CHD9: variants seen among roughly 807,000 people sequenced by gnomAD.
CHD9 encodes ATP-dependent chromatin remodeler CHD9.
Under a neutral mutation model 316.1 loss-of-function variants are expected in CHD9, and 77 were observed. That is an observed-to-expected ratio of 0.24 (90% CI 0.20 to 0.29). The LOEUF is 0.29. CHD9 is among the 10% of genes least tolerant of loss of function. The pLI, the probability that CHD9 is intolerant of heterozygous loss-of-function variation, is 1.00. For missense variants in CHD9, 2,763 were observed against 3,438.1 expected (o/e 0.80, Z 4.91); for synonymous variants, 1,129 against 1,158.3 (o/e 0.97, Z 0.51).
At chr16:53,283,737 T>C (rs1806721298) in intron 24 of CHD9, among the ~76,000 whole-genome samples, 1 of 152,182 alleles carries the variant, frequency 6.6e-6, no homozygotes, top group Non-Finnish European at 1.5e-5. Flanking sequence ...TTATTCCTCC[T>C]TTTTCTCTAT....
At position 53,237,647 on chromosome 16, in the gene CHD9, G is replaced by C. The variant is rs950015166; in HGVS notation, c.2634-696G>C. Among the ~76,000 whole-genome samples, 3 of 152,116 alleles carry C rather than the reference G, an allele frequency of 2.0e-5. No individual in the cohort carries two copies. The South Asian group carries it at 6.2e-4, about 32-fold the overall frequency. On this transcript the variant is annotated intron_variant, in intron 11 of 38. Transcript: ENST00000447540. ...CTCATTACTGACCTCCTTTCTGAAAGAGGTCTTCTCTCATCTCTTCTAGCC... is the reference window on the plus strand; with the variant it reads ...CTCATTACTGACCTCCTTTCTGAAACAGGTCTTCTCTCATCTCTTCTAGCC...
At chr16:53,224,475 T>C (rs1386347492) in intron 4 of CHD9, among the ~76,000 whole-genome samples, 1 of 152,186 alleles carries the variant, frequency 6.6e-6, no homozygotes, top group African/African-American at 2.4e-5. Context: ...GCAAAGTCTT[T>C]GTAGGATGAG....
intron 1 of CHD9, among the ~76,000 whole-genome samples, chr16:53,080,059 C>T (rs1487017286): frequency 1.3e-5 from 2 of 152,140 alleles, no homozygotes; most frequent in Admixed American, 6.5e-5. Context: ...GAAGTGGGAG[C>T]AATCTGTGCA....
intron 1 of CHD9, among the ~76,000 whole-genome samples, chr16:53,088,277 T>TC (rs2035638958): frequency 7.0e-6 from 1 of 142,182 alleles, no homozygotes; most frequent in African/African-American, 2.7e-5. Context: ...GACATGCACT[T>TC]TGTTTTTTTT....
intron 2 of CHD9, among the ~76,000 whole-genome samples, chr16:53,178,054 A>T (rs2043205101): frequency 6.6e-6 from 1 of 152,220 alleles, no homozygotes; most frequent in African/African-American, 2.4e-5. Context: ...GAATAGGCTC[A>T]GGCAGGTTCT....
At chr16:53,061,470 T>C (rs959396793) in intron 1 of CHD9, among the ~76,000 whole-genome samples, 1 of 152,022 alleles carries the variant, frequency 6.6e-6, no homozygotes, top group East Asian at 1.9e-4. Flanking sequence ...GAGAAAAGGA[T>C]TCAGGTGCCA....
intron 26 of CHD9, 132 bp from the exon 27 acceptor site, chr16:53,287,825 G>T: frequency 1.5e-6 from 1 of 685,470 alleles, no homozygotes; most frequent in South Asian, 1.8e-5. Context: ...TGTGTCTTGG[G>T]CTCTTCTGGC....
At chr16:53,095,879 A>G (rs928118582) in intron 1 of CHD9, among the ~76,000 whole-genome samples, 7 of 152,160 alleles carry the variant, frequency 4.6e-5, no homozygotes, top group African/African-American at 1.7e-4. Flanking sequence ...TAAATATCCA[A>G]TTGATCTGTG....
At chr16:53,075,020 G>T (rs2034403221) in intron 1 of CHD9, among the ~76,000 whole-genome samples, 1 of 152,210 alleles carries the variant, frequency 6.6e-6, no homozygotes, top group African/African-American at 2.4e-5. Flanking sequence ...GCTGTATCCA[G>T]CAAAGCCAGA....
At chr16:53,291,686 C>T in intron 27 of CHD9, 39 bp from the exon 28 acceptor site, 1 of 1,402,122 alleles carries the variant, frequency 7.1e-7, no homozygotes, top group South Asian at 1.3e-5. Flanking sequence ...ATCTCTTGAC[C>T]CAATTACCCT....
chr16:53,227,646 A>C, intron 7 of CHD9, 43 bp downstream of exon 7: 1 of 567,072 alleles, frequency 1.8e-6, no homozygotes, highest in Admixed American at 4.2e-5. Flanking sequence ...ATGTTGATTT[A>C]CATATAAATT....
intron 32 of CHD9, among the ~76,000 whole-genome samples, chr16:53,306,912 T>C (rs931081559): frequency 2.0e-5 from 3 of 152,112 alleles, no homozygotes; most frequent in Non-Finnish European, 2.9e-5. Flanking sequence ...CCCAAGTAGC[T>C]GAGATTACAG....
At position 53,072,140 on chromosome 16, in the gene CHD9, C is replaced by A. The variant is rs145588350; in HGVS notation, c.-165+17063C>A. Among the ~76,000 whole-genome samples, 964 of 152,198 alleles carry A rather than the reference C, an allele frequency of 6.3e-3. 5 individuals are homozygous for A. Among genetic ancestry groups the A allele is most frequent in the Middle Eastern group, 0.014 (4 of 294 alleles). ...TTCTTTCTACCTCCTACTCTCCCTGCTGAAGTCTGTTGTTGTCTTATCCCC... is the reference window on the plus strand; with the variant it reads ...TTCTTTCTACCTCCTACTCTCCCTGATGAAGTCTGTTGTTGTCTTATCCCC... On this transcript the variant is annotated intron_variant, in intron 1 of 38. Transcript: ENST00000447540.
chr16:53,163,064 T>C (rs1425792294), intron 2 of CHD9, among the ~76,000 whole-genome samples: 1 of 152,088 alleles, frequency 6.6e-6, no homozygotes, highest in African/African-American at 2.4e-5. Context: ...ATGGTTGTTA[T>C]AAAAAAATGG....
At position 53,305,541 on chromosome 16, in the gene CHD9, C is replaced by T. The variant is rs77931115; in HGVS notation, c.6620-696C>T. ...TGATTGTCTTAAATTGAATATTTTT[C>T]CCAGGAACAAGTTGATTAGTGAACA... is the stretch of plus-strand genomic sequence containing the variant. On this transcript the variant is annotated intron_variant, in intron 31 of 38. Coordinates refer to ENST00000447540, the MANE Select transcript of CHD9 (RefSeq NM_001308319.2). Among the ~76,000 whole-genome samples the T allele has an allele frequency of 1.4e-3, 209 of 152,210 alleles. 5 individuals are homozygous for T. In the East Asian group the frequency reaches 0.035, roughly 26 times the overall value.
At chr16:53,315,316 A>T (rs12599823) in intron 36 of CHD9, among the ~76,000 whole-genome samples, 42,336 of 152,096 alleles carry the variant, frequency 0.28, 5,985 homozygotes, top group Middle Eastern at 0.32. Flanking sequence ...CTAAGGTATA[A>T]AACTTCCAAT....
chr16:53,192,933 C>T (rs1441075609), intron 2 of CHD9, among the ~76,000 whole-genome samples: 1 of 152,066 alleles, frequency 6.6e-6, no homozygotes, highest in Non-Finnish European at 1.5e-5. Flanking sequence ...CCTCTATAAA[C>T]ATGTATATAC....
rs905044145 is a variant in CHD9, at chr16:53,326,313, A to C, written c.*1418A>C. 2.6e-5 allele frequency: 4 copies of C among 152,414 alleles called. No homozygotes were observed. The highest frequency in any genetic ancestry group is 6.6e-5 in the Admixed American group (1 of 15,258). The allele number at this position is 152,414 out of a possible 1,614,324, so 9.4% of individuals were successfully genotyped here. On this transcript the variant is annotated 3_prime_UTR_variant, in exon 39 of 39. Coordinates refer to ENST00000447540, the MANE Select transcript of CHD9 (RefSeq NM_001308319.2). ...TATGTTAGCATTTTTCTGGTACTCA[A>C]ATAAGTTAGTAGTAAAGTCTGCAAG...
chr16:53,286,004 ATTAACTGATAAATG>A (rs1219983624), intron 25 of CHD9, among the ~76,000 whole-genome samples: 30 of 152,184 alleles, frequency 2.0e-4, no homozygotes, highest in Admixed American at 1.1e-3. Flanking sequence ...TATTTCTCAT[ATTAACTGATAAATG>A]TAACTGAAAT....
Sources: allele counts gnomAD v4.1 joint callset (sites outside exome capture counted in the v4.1 genomes callset), GRCh38; gene constraint gnomAD v4.1.1; transcripts MANE v1.5; gene names NCBI Gene and HGNC (gene_info 2026-07-23, HGNC 2026-07-21).